The following SPATS1 variants were observed in gnomAD, a reference collection of about 807,000 sequenced individuals.
SPATS1 encodes spermatogenesis-associated serine-rich protein 1.
SPATS1 carries 23 observed loss-of-function variants against 33.6 expected under a neutral mutation model. The observed-to-expected ratio is 0.68, with a 90% confidence interval of 0.49 to 0.97. The LOEUF (loss-of-function observed/expected upper bound fraction) is 0.97, where lower values mean the gene tolerates loss of function less well. Ranked by LOEUF, SPATS1 falls within the 50% of genes least tolerant of loss-of-function variation. The probability of loss-of-function intolerance (pLI) is 0.00; values close to 1 mark genes in which losing one functional copy is unlikely to be tolerated. For synonymous variants in SPATS1, 131 were observed against 125.6 expected (o/e 1.04, Z -0.29); for missense variants, 327 against 361.0 (o/e 0.91, Z 0.76).
Position 44,342,682 on chromosome 6 carries a change from G to A in SPATS1, c.-87G>A. 1 of 457,304 alleles carries A rather than the reference G, an allele frequency of 2.2e-6. No homozygotes were observed. Among genetic ancestry groups the A allele is most frequent in the Middle Eastern group, 3.3e-4 (1 of 3,076 alleles). The allele number at this position is 457,304 out of a possible 1,614,324, so 28.3% of individuals were successfully genotyped here. A position where few individuals can be genotyped will look rare whatever the true frequency, so the allele number is the denominator to read the frequency against. ...GCCTCTGTGGGAGAAGCAGGCGGCTGCGGTGTCCCTTTTGCCCTAGGCTCT... is the reference window on the plus strand; with the variant it reads ...GCCTCTGTGGGAGAAGCAGGCGGCTACGGTGTCCCTTTTGCCCTAGGCTCT... On this transcript the variant is annotated 5_prime_UTR_variant, in exon 1 of 9. Coordinates refer to ENST00000674044, the MANE Select transcript of SPATS1 (RefSeq NM_001372081.1).
chr6:44,342,837 GA>G, intron 1 of SPATS1, 69 bp downstream of exon 1: 4 of 1,167,988 alleles, frequency 3.4e-6, no homozygotes, highest in Non-Finnish European at 3.6e-6. Flanking sequence ...CCCCGAGGTG[GA>G]AAAGAAGGAG....
intron 8 of SPATS1, 50 bp downstream of exon 8, chr6:44,376,523 C>A: frequency 2.3e-6 from 3 of 1,326,374 alleles, no homozygotes; most frequent in South Asian, 1.3e-5. Context: ...AGGAGTCCGC[C>A]GGGTATGGTG....
chr6:44,375,284 C>T (rs1334618727), intron 7 of SPATS1, among the ~76,000 whole-genome samples: 1 of 152,150 alleles, frequency 6.6e-6, no homozygotes, highest in Non-Finnish European at 1.5e-5. Flanking sequence ...AGGCTCATGA[C>T]AGTGGGAAGC....
chr6:44,368,898 ATTTT>A (rs60261813), intron 6 of SPATS1, among the ~76,000 whole-genome samples: 1 of 134,548 alleles, frequency 7.4e-6, no homozygotes, highest in African/African-American at 2.7e-5. Flanking sequence ...GGTGTATTAC[ATTTT>A]TTTTTTTTTT....
intron 3 of SPATS1, among the ~76,000 whole-genome samples, chr6:44,358,129 G>A (rs1232773147): frequency 6.6e-6 from 1 of 152,158 alleles, no homozygotes; most frequent in Non-Finnish European, 1.5e-5. Flanking sequence ...TGAATCAGGG[G>A]TGGGGGCACT....
rs77108674 is a variant in SPATS1 at position 44,358,005 on chromosome 6, T to A, written c.288-2441T>A. 8.6e-3 allele frequency among the ~76,000 whole-genome samples: 1,307 copies of A among 152,308 alleles called. 7 individuals carry two copies. The highest frequency in any genetic ancestry group is 0.012 in the Non-Finnish European group (845 of 68,026). On this transcript the variant is annotated intron_variant, in intron 3 of 8. Coordinates refer to ENST00000674044, the MANE Select transcript of SPATS1 (RefSeq NM_001372081.1). ...GCAATTGGCAGAAAGGAAGCCAAGG[T>A]GTCAGGATAAGCAGAGGAGAGTGAC...
At chr6:44,374,750 T>G (rs190161020) in intron 7 of SPATS1, among the ~76,000 whole-genome samples, 1 of 152,372 alleles carries the variant, frequency 6.6e-6, no homozygotes, top group East Asian at 1.9e-4. Flanking sequence ...CTTTTGATAT[T>G]TAGAAATGCT....
At chr6:44,344,389 A>ATGTGTGTGTG (rs200916956) in intron 2 of SPATS1, among the ~76,000 whole-genome samples, 39 of 124,734 alleles carry the variant, frequency 3.1e-4, no homozygotes, top group Admixed American at 4.7e-4. Flanking sequence ...AATTGAAGAT[A>ATGTGTGTGTG]CGTGTGTGTG....
intron 5 of SPATS1, among the ~76,000 whole-genome samples, chr6:44,365,757 T>C (rs2153368695): frequency 6.6e-6 from 1 of 152,346 alleles, no homozygotes; most frequent in Non-Finnish European, 1.5e-5. Flanking sequence ...CTCCCTTATA[T>C]GGTTATTTGT....
chr6:44,342,974 A>G (rs1454804842), intron 1 of SPATS1, 122 bp from the exon 2 acceptor site: 1 of 1,331,756 alleles, frequency 7.5e-7, no homozygotes, highest in Non-Finnish European at 1.0e-6. Context: ...TTTAGAGGCC[A>G]GTCCTGCCCT....
intron 2 of SPATS1, among the ~76,000 whole-genome samples, chr6:44,347,801 A>C (rs1342275730): frequency 2.0e-5 from 3 of 151,938 alleles, no homozygotes; most frequent in Non-Finnish European, 4.4e-5. Context: ...TATGTTTACT[A>C]TTTTGTTCTA....
intron 4 of SPATS1, chr6:44,361,242 C>A: frequency 3.1e-6 from 2 of 652,174 alleles, no homozygotes; most frequent in East Asian, 1.4e-4. Context: ...TCACTGTTAG[C>A]CATCTTACAG....
intron 5 of SPATS1, among the ~76,000 whole-genome samples, chr6:44,363,227 C>T (rs989228333): frequency 6.6e-6 from 1 of 151,994 alleles, no homozygotes; most frequent in South Asian, 2.1e-4. Flanking sequence ...CGAATGCCAG[C>T]CCCCCAGCCC....
intron 4 of SPATS1, among the ~76,000 whole-genome samples, chr6:44,360,981 A>G (rs953581138): frequency 1.3e-5 from 2 of 152,210 alleles, no homozygotes; most frequent in African/African-American, 4.8e-5. Flanking sequence ...TGGTATAAAT[A>G]GATCATGGAC....
intron 7 of SPATS1, among the ~76,000 whole-genome samples, chr6:44,372,151 G>A (rs1315727264): frequency 4.0e-5 from 6 of 151,128 alleles, no homozygotes; most frequent in Admixed American, 4.0e-4. Context: ...CTACTTGGGA[G>A]GCTGAGGCAG....
chr6:44,347,617 T>G (rs1013602135), intron 2 of SPATS1, among the ~76,000 whole-genome samples: 1 of 152,202 alleles, frequency 6.6e-6, no homozygotes, highest in African/African-American at 2.4e-5. Flanking sequence ...TAATTTCAAT[T>G]TTTACATTCA....
chr6:44,359,256 T>G (rs1029114571), intron 3 of SPATS1, among the ~76,000 whole-genome samples: 10 of 152,202 alleles, frequency 6.6e-5, no homozygotes, highest in Non-Finnish European at 8.8e-5. Flanking sequence ...CCACTGCGCC[T>G]GCCTGATTTT....
chr6:44,358,927 C>A lies in SPATS1; in HGVS notation c.288-1519C>A, dbSNP rs557772493. ...AAATTGTAGTAAAATATATATGGCA[C>A]AACATTTGCCATTTTATCCATTAAA... On this transcript the variant is annotated intron_variant, in intron 3 of 8. Transcript: ENST00000674044. Among the ~76,000 whole-genome samples, 84 of 152,188 alleles carry A rather than the reference C, an allele frequency of 5.5e-4. 1 individual carries two copies. The highest frequency in any genetic ancestry group is 3.4e-3 in the Middle Eastern group (1 of 294).
intron 2 of SPATS1, among the ~76,000 whole-genome samples, chr6:44,348,189 G>A (rs1029239081): frequency 2.0e-5 from 3 of 151,662 alleles, no homozygotes; most frequent in Non-Finnish European, 2.9e-5. Context: ...TTGTATTTTT[G>A]GTAGAGACGG....
Sources: gnomAD v4.1 joint callset for allele counts (sites outside exome capture counted in the v4.1 genomes callset) on GRCh38, gnomAD v4.1.1 for gene constraint, MANE v1.5 for transcripts, NCBI Gene and HGNC (gene_info 2026-07-23, HGNC 2026-07-21) for gene names.